The following NELFE variants were observed in gnomAD, a reference collection of about 807,000 sequenced individuals.
NELFE encodes negative elongation factor complex member E, also known as negative elongation factor E.
Under a neutral mutation model 55.5 loss-of-function variants are expected in NELFE, and 26 were observed. That is an observed-to-expected ratio of 0.47 (90% CI 0.34 to 0.65). The LOEUF is 0.65. Among genes scored for constraint, NELFE ranks in the 30% least tolerant of loss-of-function variants. The probability of loss-of-function intolerance (pLI) is 0.01; values close to 1 mark genes in which losing one functional copy is unlikely to be tolerated. For synonymous variants in NELFE, 162 were observed against 178.0 expected (o/e 0.91, Z 0.72); for missense variants, 403 against 506.9 (o/e 0.80, Z 1.97).
At chr6:31,958,608 G>T in intron 1 of NELFE, 154 bp from the exon 2 acceptor site, 1 of 718,600 alleles carries the variant, frequency 1.4e-6, no homozygotes. Context: ...TGCTGTCCAA[G>T]CTCCCGCTGG....
rs1279958311 is a variant in NELFE at position 31,956,964 on chromosome 6, G to T, written c.122C>A (p.Thr41Asn). Residue 41 changes from threonine to asparagine, a missense_variant, in exon 3 of 11, where the codon ACC (threonine) becomes AAC (asparagine). By Grantham distance (65) the Thr-to-Asn change is moderately conservative (BLOSUM62 0). Around this residue, in one of 3 missense-constraint regions of NELFE, gnomAD observed 97 missense variants for 155.3 expected, o/e 0.62. Transcript: ENST00000375429. Reference sequence around the variant, plus strand: ...ACAGCGTTTGACACCACCTTGGCTGGTTGTGCTGCTGCTACTTTGCTTCTT... The same window carrying T: ...ACAGCGTTTGACACCACCTTGGCTGTTTGTGCTGCTGCTACTTTGCTTCTT... ...ALKKQSSSST[T>N]SQGGVKRSLS... is the part of the protein sequence containing the mutation. 6.2e-7 allele frequency: 1 copy of T among 1,605,272 alleles called. No homozygotes were observed. The highest frequency in any genetic ancestry group is 1.7e-5 in the Admixed American group (1 of 59,930).
chr6:31,953,112 C>T (rs1026097134), intron 10 of NELFE, among the ~76,000 whole-genome samples: 1 of 152,212 alleles, frequency 6.6e-6, no homozygotes, highest in Admixed American at 6.5e-5. Flanking sequence ...GCTTCAGTGG[C>T]CCAGGCCCCT....
chr6:31,953,585 G>C (rs759925701), intron 10 of NELFE, 144 bp downstream of exon 10: 24 of 712,448 alleles, frequency 3.4e-5, no homozygotes, highest in Non-Finnish European at 4.8e-5. Flanking sequence ...AACTGACAGA[G>C]GATCTGAAAT....
intron 4 of NELFE, among the ~76,000 whole-genome samples, chr6:31,955,748 T>C (rs1243676835): frequency 5.3e-5 from 8 of 150,806 alleles, no homozygotes; most frequent in African/African-American, 7.4e-5. Context: ...GAATGAGCCA[T>C]TGCCGCACCT....
chr6:31,958,810 G>A (rs1369687046), intron 1 of NELFE, 82 bp downstream of exon 1: 1 of 669,430 alleles, frequency 1.5e-6, no homozygotes, highest in South Asian at 1.6e-5. Context: ...CCAGCGTAGC[G>A]CCCGCAGAGC....
In NELFE at chr6:31,954,681, G is replaced by A. The variant is rs1446145515; in HGVS notation, c.616C>T (p.Arg206Ter). 2 of 1,597,642 alleles carry A rather than the reference G, an allele frequency of 1.3e-6. No homozygotes were observed. The highest frequency in any genetic ancestry group is 2.3e-5 in the East Asian group (1 of 44,196). ...RDRDRDRERD[R>*]DRDRDRDRER... ...CTGTCTCTGTCTCGATCCCGGTCTC[G>A]ATCCCGCTCCCGATCTCGGTCTCTG... Residue 206 changes from arginine to a stop codon, truncating the protein, a stop_gained, in exon 7 of 11, where the codon CGA becomes TGA. Transcript: ENST00000375429. LOFTEE classifies it high-confidence loss of function. The surrounding 1 kb of genome is among the most constrained non-coding windows in gnomAD (Gnocchi z 5.5).
intron 4 of NELFE, 68 bp downstream of exon 4, chr6:31,956,625 T>C: frequency 6.6e-7 from 1 of 1,516,102 alleles, no homozygotes; most frequent in Non-Finnish European, 8.9e-7. Context: ...ATGCATATTT[T>C]TCCCCAAACC....
At position 31,954,916 on chromosome 6, in the gene NELFE, C is replaced by A; in HGVS notation, c.405-24G>T. On this transcript the variant is annotated intron_variant, in intron 6 of 10. Transcript: ENST00000375429. This position sits in a 1 kb window ranked among gnomAD's most constrained non-coding sequence, Gnocchi z 5.5. ...AGCTGGGGAGATGCAGACTGAAGAT[C>A]AAAGGGGGGTTTTACCTTCTCCCCT... 1.3e-6 allele frequency: 2 copies of A among 1,575,700 alleles called. No individual in the cohort carries two copies. Among genetic ancestry groups the A allele is most frequent in the Non-Finnish European group, 8.6e-7 (1 of 1,161,686 alleles).
chr6:31,954,798 C>T lies in NELFE; in HGVS notation c.499G>A (p.Asp167Asn), dbSNP rs55821537. The change falls in exon 7 of 11, where the codon GAC (aspartate) becomes AAC (asparagine). Residue 167 changes from aspartate to asparagine, a missense_variant. Physicochemically the swap from Asp to Asn is conservative, Grantham distance 23. Coordinates refer to ENST00000375429, the MANE Select transcript of NELFE (RefSeq NM_002904.6). The surrounding 1 kb of genome is among the most constrained non-coding windows in gnomAD (Gnocchi z 5.5). ...CCACTGCGTTCTTCATAGCCCCAGT[C>T]AAAGCTTCGAGGGGGACCATCACCA... ...GAGDGPPRSF[D>N]WGYEERSGAH... 3 of 1,608,176 alleles carry T rather than the reference C, an allele frequency of 1.9e-6. No homozygotes were observed. The highest frequency in any genetic ancestry group is 2.5e-6 in the Non-Finnish European group (3 of 1,177,952).
At position 31,958,933 on chromosome 6, in the gene NELFE, G is replaced by A; in HGVS notation, c.-50C>T. ...CGGGGGCCCCACGGTCTCCGGCCGC[G>A]CCCGCGCTGGCCGCTGATAGCGGGC... On this transcript the variant is annotated 5_prime_UTR_variant, in exon 1 of 11. Coordinates refer to ENST00000375429, the MANE Select transcript of NELFE (RefSeq NM_002904.6). 1 of 594,056 alleles carries A rather than the reference G, an allele frequency of 1.7e-6. No homozygotes were observed. 36.8% of individuals were successfully genotyped at this position (594,056 alleles called of 1,614,324 possible).
Position 31,954,720 on chromosome 6 carries a change from C to T in NELFE, c.577G>A (p.Glu193Lys), listed in dbSNP as rs1771973053. Residue 193 changes from glutamate to lysine, a missense_variant, in exon 7 of 11, where the codon GAG becomes AAG. Glu to Lys is a moderately conservative substitution (Grantham distance 56). Transcript: ENST00000375429. The surrounding 1 kb of genome is among the most constrained non-coding windows in gnomAD (Gnocchi z 5.5). ...TCTCGGTCTCTGTCCCGGTTCCTCT[C>T]ATGGCTGCGGTCCCGGCTGCGGCTT... ...PRSRSRDRSH[E>K]RNRDRDRDRE... 8 of 1,614,010 alleles carry T rather than the reference C, an allele frequency of 5.0e-6. No individual in the cohort carries two copies. The highest frequency in any genetic ancestry group is 6.8e-6 in the Non-Finnish European group (8 of 1,179,946).
intron 2 of NELFE, 73 bp from the exon 3 acceptor site, chr6:31,957,083 G>C: frequency 2.2e-6 from 3 of 1,342,408 alleles, no homozygotes; most frequent in Non-Finnish European, 3.1e-6. Flanking sequence ...AAGGCCCCTG[G>C]GCACATCACT....
In NELFE at chr6:31,954,881, G is replaced by C; in HGVS notation, c.416C>G (p.Ser139Cys). The change falls in exon 7 of 11, where the codon TCT becomes TGT. Residue 139 changes from serine to cysteine, a missense_variant. This residue lies in a region of NELFE where 229 missense variants were observed against 228.3 expected (regional missense o/e 1.00). Coordinates refer to ENST00000375429, the MANE Select transcript of NELFE (RefSeq NM_002904.6). The surrounding 1 kb of genome is among the most constrained non-coding windows in gnomAD (Gnocchi z 5.5). ...RKSLYESFVS[S>C]SDRLRELGPD... ...TCCTAGTTCTCGAAGTCGATCACTAGAAGACACAAAGCTGGGGAGATGCAG... is the reference window on the plus strand; with the variant it reads ...TCCTAGTTCTCGAAGTCGATCACTACAAGACACAAAGCTGGGGAGATGCAG... The C allele has an allele frequency of 6.4e-7, 1 of 1,568,800 alleles. No homozygotes were observed. The highest frequency in any genetic ancestry group is 8.6e-7 in the Non-Finnish European group (1 of 1,159,762).
At chr6:31,953,686 G>T in intron 10 of NELFE, 43 bp downstream of exon 10, 1 of 1,504,714 alleles carries the variant, frequency 6.6e-7, no homozygotes, top group Non-Finnish European at 9.2e-7. Context: ...AAAAGGAATG[G>T]CCTGTGGGGG....
chr6:31,953,663 G>T, intron 10 of NELFE, 66 bp downstream of exon 10: 2 of 1,342,416 alleles, frequency 1.5e-6, no homozygotes, highest in Non-Finnish European at 2.1e-6. Context: ...ACCCAAGGAT[G>T]TGTGGGGGAA....
rs905647481 is a variant in NELFE at position 31,954,150 on chromosome 6, A to C, written c.888-16T>G. The C allele has an allele frequency of 6.2e-7, 1 of 1,614,114 alleles. No homozygotes were observed. Among genetic ancestry groups the C allele is most frequent in the African/African-American group, 1.3e-5 (1 of 75,032 alleles). The stretch of plus-strand genomic sequence containing the variant: ...GAAGGCACAGCTGGGATAAGAGAAA[A>C]CACGGTCAGTGGAGAGCCAAGGGGC... On this transcript the variant is annotated splice_polypyrimidine_tract_variant and intron_variant, in intron 8 of 10. Transcript: ENST00000375429. This position sits in a 1 kb window ranked among gnomAD's most constrained non-coding sequence, Gnocchi z 5.5.
intron 2 of NELFE, chr6:31,957,245 G>A: frequency 1.6e-6 from 1 of 610,442 alleles, no homozygotes; most frequent in Non-Finnish European, 2.9e-6. Context: ...CATTTTTGAA[G>A]TTGAAGACAA....
In NELFE at chr6:31,958,928, G is replaced by C. The variant is rs948890897; in HGVS notation, c.-45C>G. 1 of 594,832 alleles carries C rather than the reference G, an allele frequency of 1.7e-6. No individual in the cohort carries two copies. The highest frequency in any genetic ancestry group is 1.9e-5 in the African/African-American group (1 of 53,680). The allele number at this position is 594,832 out of a possible 1,614,324, so 36.8% of individuals were successfully genotyped here. On this transcript the variant is annotated 5_prime_UTR_variant, in exon 1 of 11. Transcript: ENST00000375429. ...GCAACCGGGGGCCCCACGGTCTCCG[G>C]CCGCGCCCGCGCTGGCCGCTGATAG...
Position 31,954,704 on chromosome 6 carries a change from C to T in NELFE, c.593G>A (p.Arg198Lys). 1 of 1,613,740 alleles carries T rather than the reference C, an allele frequency of 6.2e-7. No homozygotes were observed. Among genetic ancestry groups the T allele is most frequent in the Non-Finnish European group, 8.5e-7 (1 of 1,179,736 alleles). ...TCGATCCCGCTCCCGATCTCGGTCT[C>T]TGTCCCGGTTCCTCTCATGGCTGCG... ...RDRSHERNRDRDRDRERDRDR... is the reference protein window; with the variant it reads ...RDRSHERNRDKDRDRERDRDR... The change falls in exon 7 of 11, where the codon AGA (arginine) becomes AAA (lysine). Residue 198 changes from arginine to lysine, a missense_variant. Transcript: ENST00000375429. This position sits in a 1 kb window ranked among gnomAD's most constrained non-coding sequence, Gnocchi z 5.5.
Sources: gnomAD v4.1 joint callset for allele counts (sites outside exome capture counted in the v4.1 genomes callset) on GRCh38, gnomAD v4.1.1 for gene constraint, gnomAD v4.1.1 regional missense constraint, Gnocchi (gnomAD v3.1) non-coding constraint, MANE v1.5 for transcripts, NCBI Gene and HGNC (gene_info 2026-07-23, HGNC 2026-07-21) for gene names.